Variants in TSPAN9 observed in about 807,000 individuals in gnomAD.
TSPAN9 encodes tetraspanin 9, also known as tetraspanin-9.
In TSPAN9, 16 loss-of-function variants were observed where a neutral mutation model predicts 31.0. That is an observed-to-expected ratio of 0.52 (90% CI 0.35 to 0.78). The LOEUF is 0.78. TSPAN9 is among the 30% of genes least tolerant of loss of function. The pLI is 0.01. For synonymous variants in TSPAN9, 145 were observed against 121.6 expected (o/e 1.19, Z -1.27); for missense variants, 272 against 312.5 (o/e 0.87, Z 0.98).
chr12:3,235,379 G>A (rs902895919), intron 3 of TSPAN9, among the ~76,000 whole-genome samples: 1 of 149,546 alleles, frequency 6.7e-6, no homozygotes, highest in Non-Finnish European at 1.5e-5. Flanking sequence ...CTGGAGCCAT[G>A]GGGTTCGCAC....
intron 3 of TSPAN9, among the ~76,000 whole-genome samples, chr12:3,219,620 T>G (rs1248912434): frequency 1.3e-5 from 2 of 151,204 alleles, no homozygotes; most frequent in South Asian, 2.1e-4. Context: ...AGAATATAGA[T>G]GAGTAGAGAA....
At position 3,285,367 on chromosome 12, in the gene TSPAN9, C is replaced by A. The variant is rs1046750847; in HGVS notation, c.*2251C>A. On this transcript the variant is annotated 3_prime_UTR_variant, in exon 9 of 9. Transcript: ENST00000011898. The stretch of plus-strand genomic sequence containing the variant: ...GTGCATTGGGAGATGTGCAACCTCC[C>A]TGAAAATCTTTTCTGTTTCTGGAGT... 1 of 152,220 alleles carries A rather than the reference C, an allele frequency of 6.6e-6. No homozygotes were observed. The highest frequency in any genetic ancestry group is 1.5e-5 in the Non-Finnish European group (1 of 68,044). 9.4% of individuals were successfully genotyped at this position (152,220 alleles called of 1,614,324 possible). A position where few individuals can be genotyped will look rare whatever the true frequency, so the allele number is the denominator to read the frequency against.
chr12:3,223,128 G>A (rs2098385419), intron 3 of TSPAN9, among the ~76,000 whole-genome samples: 1 of 152,224 alleles, frequency 6.6e-6, no homozygotes, highest in Admixed American at 6.5e-5. Flanking sequence ...CTGCGGTTTT[G>A]CTTACAAATT....
chr12:3,185,740 G>A (rs544790905), intron 2 of TSPAN9, among the ~76,000 whole-genome samples: 162 of 152,344 alleles, frequency 1.1e-3, no homozygotes, highest in African/African-American at 3.5e-3. Context: ...CCTGGGCTTG[G>A]GGCTCTACTG....
At chr12:3,262,921 G>A (rs887924700) in intron 3 of TSPAN9, among the ~76,000 whole-genome samples, 2 of 152,124 alleles carry the variant, frequency 1.3e-5, no homozygotes, top group Non-Finnish European at 2.9e-5. Flanking sequence ...TGAGTAAGTC[G>A]CATCTCCGAG....
intron 4 of TSPAN9, 132 bp from the exon 5 acceptor site, chr12:3,278,860 C>T: frequency 9.7e-7 from 1 of 1,031,474 alleles, no homozygotes. Flanking sequence ...ATCTGGGTTT[C>T]CTCAGGAGGA....
chr12:3,148,978 G>A (rs780198321), intron 2 of TSPAN9, among the ~76,000 whole-genome samples: 13 of 152,220 alleles, frequency 8.5e-5, no homozygotes, highest in Non-Finnish European at 1.8e-4. Context: ...AGGGAAGAGG[G>A]GAGGGTGGTG....
intron 2 of TSPAN9, among the ~76,000 whole-genome samples, chr12:3,195,760 A>G (rs370708105): frequency 3.3e-4 from 50 of 152,266 alleles, no homozygotes; most frequent in African/African-American, 9.4e-4. Context: ...CAGGCTTTTC[A>G]TATGCCATGC....
At chr12:3,239,542 C>T (rs569116211) in intron 3 of TSPAN9, among the ~76,000 whole-genome samples, 44 of 152,194 alleles carry the variant, frequency 2.9e-4, no homozygotes, top group Non-Finnish European at 5.4e-4. Flanking sequence ...CTCCACTGCC[C>T]GAGTTGGATC....
chr12:3,210,695 T>TA (rs1239083317), intron 3 of TSPAN9, among the ~76,000 whole-genome samples: 1 of 152,018 alleles, frequency 6.6e-6, no homozygotes, highest in Non-Finnish European at 1.5e-5. Context: ...TGTTAGACTG[T>TA]ACTTTTTATG....
chr12:3,236,513 C>T (rs1404305304), intron 3 of TSPAN9, among the ~76,000 whole-genome samples: 1 of 152,174 alleles, frequency 6.6e-6, no homozygotes, highest in African/African-American at 2.4e-5. Context: ...CCGTGCCCTT[C>T]GCTGCCACCA....
chr12:3,280,315 G>T lies in TSPAN9; in HGVS notation c.331-67G>T, dbSNP rs1162213278. On this transcript the variant is annotated intron_variant, in intron 5 of 8. Coordinates refer to ENST00000011898, the MANE Select transcript of TSPAN9 (RefSeq NM_006675.5). The surrounding 1 kb of genome is among the most constrained non-coding windows in gnomAD (Gnocchi z 4.5). ...TGTCACCCACCATCCTGGGTGACCT[G>T]AGGTGGGCTGGAGAGACGAGCTGCG... 14 of 1,445,834 alleles carry T rather than the reference G, an allele frequency of 9.7e-6. No individual in the cohort carries two copies. In the East Asian group the frequency reaches 3.0e-4, roughly 31 times the overall value. The allele number at this position is 1,445,834 out of a possible 1,614,324, so 89.6% of individuals were successfully genotyped here.
intron 3 of TSPAN9, among the ~76,000 whole-genome samples, chr12:3,236,782 G>A (rs1193305604): frequency 2.6e-5 from 4 of 152,272 alleles, no homozygotes; most frequent in Non-Finnish European, 5.9e-5. Flanking sequence ...GGTTCAGCAG[G>A]AGGGAGAGGG....
intron 2 of TSPAN9, among the ~76,000 whole-genome samples, chr12:3,127,385 T>G (rs1304194758): frequency 6.6e-6 from 1 of 151,994 alleles, no homozygotes; most frequent in East Asian, 1.9e-4. Context: ...AGACGGAGTC[T>G]TGCACTCTTG....
intron 3 of TSPAN9, among the ~76,000 whole-genome samples, chr12:3,247,282 A>G (rs1265461999): frequency 3.0e-5 from 4 of 133,778 alleles, no homozygotes; most frequent in Admixed American, 8.3e-5. Flanking sequence ...CTTGTGGCTG[A>G]TGAGCATTAC....
intron 3 of TSPAN9, among the ~76,000 whole-genome samples, chr12:3,226,227 T>G (rs1333356232): frequency 6.6e-6 from 1 of 152,072 alleles, no homozygotes; most frequent in Non-Finnish European, 1.5e-5. Flanking sequence ...TTTTTTATCC[T>G]CTAGTTGCAC....
chr12:3,241,980 G>C (rs2098396804), intron 3 of TSPAN9, among the ~76,000 whole-genome samples: 1 of 152,230 alleles, frequency 6.6e-6, no homozygotes, highest in Non-Finnish European at 1.5e-5. Flanking sequence ...AAGTCCACTA[G>C]TTCTCCCAAA....
At chr12:3,141,671 A>T (rs1393394972) in intron 2 of TSPAN9, among the ~76,000 whole-genome samples, 3 of 151,588 alleles carry the variant, frequency 2.0e-5, no homozygotes, top group African/African-American at 7.3e-5. Context: ...AGATGGTGGC[A>T]CCCCAGAGGC....
At chr12:3,140,577 AT>A (rs2098334331) in intron 2 of TSPAN9, among the ~76,000 whole-genome samples, 1 of 152,014 alleles carries the variant, frequency 6.6e-6, no homozygotes, top group South Asian at 2.1e-4. Context: ...GGATTTTTAG[AT>A]TTGGTATGGG....
Sources: gnomAD v4.1 joint callset for allele counts (sites outside exome capture counted in the v4.1 genomes callset) on GRCh38, gnomAD v4.1.1 for gene constraint, Gnocchi (gnomAD v3.1) non-coding constraint, MANE v1.5 for transcripts, NCBI Gene and HGNC (gene_info 2026-07-23, HGNC 2026-07-21) for gene names.